RAB12: variants seen among roughly 807,000 people sequenced by gnomAD.
RAB12 encodes the protein RAB12, member RAS oncogene family, also known as ras-related protein Rab-12.
In RAB12, 11 loss-of-function variants were observed where a neutral mutation model predicts 28.4. That is an observed-to-expected ratio of 0.39 (90% CI 0.24 to 0.64). RAB12 has a LOEUF of 0.64. RAB12 is among the 30% of genes least tolerant of loss of function. RAB12 has a pLI of 0.50. For synonymous variants in RAB12, 138 were observed against 145.3 expected, an observed-to-expected ratio of 0.95 and a Z score of 0.36; for missense variants, 276 against 351.1, an observed-to-expected ratio of 0.79 and a Z score of 1.71.
chr18:8,620,139 CTTTTTTTTT>C (rs71165795), intron 1 of RAB12, among the ~76,000 whole-genome samples: 2 of 53,952 alleles, frequency 3.7e-5, no homozygotes, highest in Admixed American at 3.6e-4. Flanking sequence ...TTTTCTTCTT[CTTTTTTTTT>C]TTTTTTTTTT....
chr18:8,627,374 A>T (rs2096013330), intron 2 of RAB12, among the ~76,000 whole-genome samples: 1 of 152,206 alleles, frequency 6.6e-6, no homozygotes, highest in African/African-American at 2.4e-5. Flanking sequence ...TCATAGGAGG[A>T]TCTTGTTGGA....
intron 1 of RAB12, among the ~76,000 whole-genome samples, chr18:8,612,200 G>A (rs1216574965): frequency 6.6e-6 from 1 of 152,248 alleles, no homozygotes; most frequent in Non-Finnish European, 1.5e-5. Context: ...ATGTGTATGG[G>A]TATTTGGGAG....
At chr18:8,609,977 G>A (rs776451195) in intron 1 of RAB12, 24 bp downstream of exon 1, 8 of 1,584,782 alleles carry the variant, frequency 5.0e-6, no homozygotes, top group Middle Eastern at 1.7e-4. Context: ...GGCGACCCTG[G>A]GCCGGGCCTC....
chr18:8,623,380 A>G (rs755034394), intron 1 of RAB12, among the ~76,000 whole-genome samples: 122 of 152,374 alleles, frequency 8.0e-4, no homozygotes, highest in Non-Finnish European at 1.4e-3. Flanking sequence ...CCGCAACAAT[A>G]GAATAGTAGT....
At chr18:8,623,675 A>T (rs1451418868) in intron 1 of RAB12, among the ~76,000 whole-genome samples, 2 of 152,260 alleles carry the variant, frequency 1.3e-5, no homozygotes, top group African/African-American at 4.8e-5. Context: ...TTTGGAAAGC[A>T]AATCATTTCC....
rs2096015937 is a variant in RAB12 at position 8,631,455 on chromosome 18, G to T, written c.576-1734G>T. Among the ~76,000 whole-genome samples, 3 of 152,274 alleles carry T rather than the reference G, an allele frequency of 2.0e-5. No individual in the cohort carries two copies. The South Asian group carries it at 6.2e-4, about 32-fold the overall frequency. Reference sequence around the variant, plus strand: ...GTCATGGGGCCAAGAATAGTGCCCGGGTGCCATGAGACTCTGCCCACTACT... The same window carrying T: ...GTCATGGGGCCAAGAATAGTGCCCGTGTGCCATGAGACTCTGCCCACTACT... On this transcript the variant is annotated intron_variant, in intron 2 of 5. Transcript: ENST00000649141.
At chr18:8,619,851 G>A (rs2096008751) in intron 1 of RAB12, among the ~76,000 whole-genome samples, 1 of 152,142 alleles carries the variant, frequency 6.6e-6, no homozygotes, top group Non-Finnish European at 1.5e-5. Context: ...GGAAATTAAG[G>A]TCAAGAATAA....
At chr18:8,614,742 C>A (rs147434975) in intron 1 of RAB12, among the ~76,000 whole-genome samples, 1 of 152,194 alleles carries the variant, frequency 6.6e-6, no homozygotes, top group South Asian at 2.1e-4. Flanking sequence ...CTCACCACCA[C>A]GCCTGGCTAA....
At position 8,639,234 on chromosome 18, in the gene RAB12, T is replaced by G. The variant is rs1316589635; in HGVS notation, c.*972T>G. 6.8e-6 allele frequency: 1 copy of G among 147,158 alleles called. No individual in the cohort carries two copies. Among genetic ancestry groups the G allele is most frequent in the African/African-American group, 2.5e-5 (1 of 39,426 alleles). The allele number at this position is 147,158 out of a possible 1,614,324, so 9.1% of individuals were successfully genotyped here. A position where few individuals can be genotyped will look rare whatever the true frequency, so the allele number is the denominator to read the frequency against. On this transcript the variant is annotated 3_prime_UTR_variant, in exon 6 of 6. Transcript: ENST00000649141. ...TGTGAACTCTATCTTTGGTATATCT[T>G]TTATTAAACTGCACTGTTTTGTTTA...
chr18:8,634,303 T>TC (rs2096017672), intron 3 of RAB12, among the ~76,000 whole-genome samples: 1 of 133,606 alleles, frequency 7.5e-6, no homozygotes. Flanking sequence ...TTTTTTTTTT[T>TC]CATTAAAAAA....
rs150603304 is a variant in RAB12, at chr18:8,631,983, G to A, written c.576-1206G>A. The stretch of plus-strand genomic sequence containing the variant: ...CTTGTTTTCTAATTTTCAAAATCTT[G>A]GTTTGAAAGTAATTGGAGGCTGGGC... On this transcript the variant is annotated intron_variant, in intron 2 of 5. Transcript: ENST00000649141. Among the ~76,000 whole-genome samples the A allele has an allele frequency of 2.0e-3, 305 of 152,176 alleles. 4 individuals are homozygous for A. Among genetic ancestry groups the A allele is most frequent in the Middle Eastern group, 6.8e-3 (2 of 294 alleles).
chr18:8,626,969 A>C (rs938426218), intron 2 of RAB12, among the ~76,000 whole-genome samples: 1 of 152,244 alleles, frequency 6.6e-6, no homozygotes, highest in South Asian at 2.1e-4. Context: ...TCATATATCT[A>C]CTACAGGCCA....
At chr18:8,634,998 A>G (rs1226893670) in intron 3 of RAB12, among the ~76,000 whole-genome samples, 2 of 152,236 alleles carry the variant, frequency 1.3e-5, no homozygotes, top group Non-Finnish European at 2.9e-5. Flanking sequence ...AAATGAAGAA[A>G]AGCACAAAAG....
At chr18:8,636,587 G>A (rs778365133) in intron 5 of RAB12, among the ~76,000 whole-genome samples, 7 of 152,182 alleles carry the variant, frequency 4.6e-5, no homozygotes, top group South Asian at 2.1e-4. Flanking sequence ...TACTTGCTTC[G>A]CCTTAAGATA....
intron 2 of RAB12, among the ~76,000 whole-genome samples, chr18:8,627,461 C>T (rs568636709): frequency 6.6e-6 from 1 of 152,198 alleles, no homozygotes; most frequent in Non-Finnish European, 1.5e-5. Context: ...ATTTTTACGT[C>T]ACGTTTTATG....
At chr18:8,632,883 C>T (rs753199328) in intron 2 of RAB12, 2 of 315,966 alleles carry the variant, frequency 6.3e-6, no homozygotes, top group Non-Finnish European at 1.1e-5. Context: ...ATTAGCATTC[C>T]TGTTGCTGAT....
intron 4 of RAB12, 185 bp downstream of exon 4, chr18:8,635,807 G>A (rs911372406): frequency 5.9e-6 from 3 of 504,594 alleles, no homozygotes; most frequent in Middle Eastern, 5.1e-4. Flanking sequence ...ATTCTGAAAT[G>A]GAGGGAGAAA....
At chr18:8,626,203 A>G (rs958997026) in intron 2 of RAB12, among the ~76,000 whole-genome samples, 37 of 152,246 alleles carry the variant, frequency 2.4e-4, no homozygotes, top group African/African-American at 8.7e-4. Flanking sequence ...CTTTTTGTGC[A>G]TTGCTGCCCA....
At chr18:8,626,234 G>A (rs546180839) in intron 2 of RAB12, among the ~76,000 whole-genome samples, 1 of 152,328 alleles carries the variant, frequency 6.6e-6, no homozygotes, top group East Asian at 1.9e-4. Context: ...GCTGGAAATG[G>A]CAACAAAGTG....
Sources: gnomAD v4.1 joint callset for allele counts (sites outside exome capture counted in the v4.1 genomes callset) on GRCh38, gnomAD v4.1.1 for gene constraint, MANE v1.5 for transcripts, NCBI Gene and HGNC (gene_info 2026-07-23, HGNC 2026-07-21) for gene names.